The following FARS2 variants were observed in gnomAD, a reference collection of about 807,000 sequenced individuals.
The protein encoded by FARS2 is phenylalanyl-tRNA synthetase 2, mitochondrial.
In FARS2, 40 loss-of-function variants were observed where a neutral mutation model predicts 46.4. The ratio of observed to expected loss-of-function variants is 0.86; its 90% CI spans 0.67 to 1.12. The LOEUF (loss-of-function observed/expected upper bound fraction) is 1.12. Ranked by LOEUF, FARS2 falls within the 50% of genes most tolerant of loss-of-function variation. The probability of loss-of-function intolerance (pLI) is 0.00; values close to 1 mark genes in which losing one functional copy is unlikely to be tolerated. For synonymous variants in FARS2, 234 were observed against 214.9 expected (o/e 1.09, Z -0.78); for missense variants, 513 against 567.9 (o/e 0.90, Z 0.98).
intron 6 of FARS2, among the ~76,000 whole-genome samples, chr6:5,725,451 T>G (rs1027060608): frequency 1.3e-5 from 2 of 152,236 alleles, no homozygotes; most frequent in Admixed American, 6.5e-5. Flanking sequence ...GTTCCAAGCA[T>G]GGCCTCTGCA....
Position 5,350,963 on chromosome 6 carries a change from T to A in FARS2, c.-21-17587T>A, listed in dbSNP as rs2067628137. 3.3e-5 allele frequency among the ~76,000 whole-genome samples: 5 copies of A among 152,348 alleles called. No individual in the cohort carries two copies. In the South Asian group the frequency reaches 1.0e-3, roughly 32 times the overall value. ...TTTAGTCATTTACATACTCATCATT[T>A]AGTAAGTTGTTACTTTCTGCCAAAT... On this transcript the variant is annotated intron_variant, in intron 1 of 6. Transcript: ENST00000274680.
At chr6:5,674,193 T>TAAAAAAAAAAAA (rs71540878) in intron 6 of FARS2, among the ~76,000 whole-genome samples, 1 of 76,344 alleles carries the variant, frequency 1.3e-5, no homozygotes, top group Non-Finnish European at 2.5e-5. Context: ...GCATTCTCAT[T>TAAAAAAAAAAAA]AAAAAAAAAA....
intron 6 of FARS2, among the ~76,000 whole-genome samples, chr6:5,655,473 T>G (rs940604446): frequency 4.9e-4 from 75 of 152,168 alleles, no homozygotes; most frequent in African/African-American, 1.7e-3. Flanking sequence ...CTGAAATCAG[T>G]TTCACTGGGC....
chr6:5,300,911 GT>G (rs2127533011), intron 1 of FARS2, among the ~76,000 whole-genome samples: 1 of 151,866 alleles, frequency 6.6e-6, no homozygotes, highest in African/African-American at 2.4e-5. Context: ...GTCTTGCTGT[GT>G]TTTGTAGAGA....
At chr6:5,391,696 A>G (rs1760530408) in intron 2 of FARS2, among the ~76,000 whole-genome samples, 2 of 152,170 alleles carry the variant, frequency 1.3e-5, no homozygotes, top group Admixed American at 6.5e-5. Context: ...AGGATTTTGC[A>G]AAGAAGCAAA....
chr6:5,738,330 G>A (rs17141217), intron 6 of FARS2, among the ~76,000 whole-genome samples: 2,116 of 152,310 alleles, frequency 0.014, 54 homozygotes, highest in African/African-American at 0.048. Context: ...GTATGCCAGA[G>A]CTCTGAAGAG....
At chr6:5,315,462 A>G (rs186840643) in intron 1 of FARS2, among the ~76,000 whole-genome samples, 8 of 152,326 alleles carry the variant, frequency 5.3e-5, no homozygotes, top group East Asian at 3.9e-4. Flanking sequence ...ATAAACTGTA[A>G]TGAAATTCAC....
At position 5,444,782 on chromosome 6, in the gene FARS2, G is replaced by C. The variant is rs371153286; in HGVS notation, c.904+13610G>C. Among the ~76,000 whole-genome samples, 192 of 72,658 alleles carry C rather than the reference G, an allele frequency of 2.6e-3. 1 individual carries two copies. Among genetic ancestry groups the C allele is most frequent in the African/African-American group, 7.5e-3 (182 of 24,398 alleles). 47.7% of individuals were successfully genotyped at this position (72,658 alleles called of 152,430 possible). A position where few individuals can be genotyped will look rare whatever the true frequency, so the allele number is the denominator to read the frequency against. ...TCAGGCTCATGGAAACAGTAAAATG[G>C]GGCGGGGGGGAACTGACCTAATTTT... On this transcript the variant is annotated intron_variant, in intron 4 of 6. Transcript: ENST00000274680.
At chr6:5,275,661 A>G (rs1766283989) in intron 1 of FARS2, among the ~76,000 whole-genome samples, 1 of 152,072 alleles carries the variant, frequency 6.6e-6, no homozygotes, top group African/African-American at 2.4e-5. Flanking sequence ...TGAAGTGTTC[A>G]GCCACAGCAC....
At chr6:5,272,145 A>G (rs1561922753) in intron 1 of FARS2, among the ~76,000 whole-genome samples, 2 of 152,218 alleles carry the variant, frequency 1.3e-5, no homozygotes, top group Non-Finnish European at 2.9e-5. Flanking sequence ...CTACCTGCCC[A>G]TTAGTCACTT....
Position 5,343,387 on chromosome 6 carries a change from T to C in FARS2, c.-21-25163T>C, listed in dbSNP as rs954377986. On this transcript the variant is annotated intron_variant, in intron 1 of 6. Coordinates refer to ENST00000274680, the MANE Select transcript of FARS2 (RefSeq NM_006567.5). The surrounding 1 kb of genome is among the most constrained non-coding windows in gnomAD (Gnocchi z 4.5). ...CCACCACGCCCAGCTAATTTTTGTA[T>C]TTTTAGTAGAGATAGTGTTTCATCA... 6.6e-6 allele frequency among the ~76,000 whole-genome samples: 1 copy of C among 152,076 alleles called. No homozygotes were observed. Among genetic ancestry groups the C allele is most frequent in the South Asian group, 2.1e-4 (1 of 4,818 alleles).
At chr6:5,516,825 A>G (rs1768827336) in intron 4 of FARS2, among the ~76,000 whole-genome samples, 1 of 152,126 alleles carries the variant, frequency 6.6e-6, no homozygotes, top group Non-Finnish European at 1.5e-5. Flanking sequence ...GAACCCCCCC[A>G]ATTTAAGTTT....
At chr6:5,275,479 T>TC (rs1167863359) in intron 1 of FARS2, among the ~76,000 whole-genome samples, 2 of 152,220 alleles carry the variant, frequency 1.3e-5, no homozygotes, top group Non-Finnish European at 2.9e-5. Flanking sequence ...GAATGTGAAT[T>TC]CTGTGAGGGC....
chr6:5,708,716 A>G (rs1436048475), intron 6 of FARS2, among the ~76,000 whole-genome samples: 1 of 152,032 alleles, frequency 6.6e-6, no homozygotes, highest in African/African-American at 2.4e-5. Flanking sequence ...GCTGGAGTAC[A>G]GTGGCACTAT....
intron 4 of FARS2, among the ~76,000 whole-genome samples, chr6:5,433,484 C>G (rs1468218513): frequency 1.3e-5 from 2 of 152,230 alleles, no homozygotes; most frequent in Non-Finnish European, 2.9e-5. Flanking sequence ...TTTGTTACCT[C>G]TTTGACCTGT....
chr6:5,365,949 A>T (rs1758647946), intron 1 of FARS2, among the ~76,000 whole-genome samples: 1 of 152,156 alleles, frequency 6.6e-6, no homozygotes, highest in African/African-American at 2.4e-5. Flanking sequence ...CATGTTGAGT[A>T]GGCTGAAGAG....
intron 4 of FARS2, 23 bp downstream of exon 4, chr6:5,431,195 A>G (rs752150366): frequency 6.2e-7 from 1 of 1,612,376 alleles, no homozygotes. Flanking sequence ...CCCACATTTT[A>G]TTTACACGTG....
At chr6:5,623,291 T>G (rs1775866127) in intron 6 of FARS2, among the ~76,000 whole-genome samples, 1 of 152,206 alleles carries the variant, frequency 6.6e-6, no homozygotes, top group African/African-American at 2.4e-5. Context: ...GCCTTGGACT[T>G]GGCAGCCAAA....
At chr6:5,421,447 T>C (rs370915702) in intron 3 of FARS2, among the ~76,000 whole-genome samples, 13 of 152,338 alleles carry the variant, frequency 8.5e-5, no homozygotes, top group African/African-American at 2.6e-4. Context: ...CACCTTCTTG[T>C]TACTTATGCC....
Sources: gnomAD v4.1 joint callset for allele counts (sites outside exome capture counted in the v4.1 genomes callset) on GRCh38, gnomAD v4.1.1 for gene constraint, Gnocchi (gnomAD v3.1) non-coding constraint, MANE v1.5 for transcripts, NCBI Gene and HGNC (gene_info 2026-07-23, HGNC 2026-07-21) for gene names.